GALNT18: variants seen among roughly 807,000 people sequenced by gnomAD.
GALNT18 encodes the protein polypeptide N-acetylgalactosaminyltransferase 18.
A neutral mutation model predicts 69.5 loss-of-function variants in GALNT18; 44 were observed. That is an observed-to-expected ratio of 0.63 (90% CI 0.50 to 0.81). The LOEUF (loss-of-function observed/expected upper bound fraction) is 0.81. Ranked by LOEUF, GALNT18 falls within the 40% of genes least tolerant of loss-of-function variation. The probability of loss-of-function intolerance (pLI) is 0.00; values close to 1 mark genes in which losing one functional copy is unlikely to be tolerated. For missense variants in GALNT18, 715 were observed against 810.0 expected (o/e 0.88, Z 1.42); for synonymous variants, 364 against 318.2 (o/e 1.14, Z -1.53).
chr11:11,523,580 G>C lies in GALNT18; in HGVS notation c.236-74644C>G, dbSNP rs757576893. ...TAAAAATACAAAAAATTAGCCAGGC[G>C]TGTTGGTGGGCTCCTGTAGTCCCAG... is the stretch of plus-strand genomic sequence containing the variant. On this transcript the variant is annotated intron_variant, in intron 1 of 10. Coordinates refer to ENST00000227756, the MANE Select transcript of GALNT18 (RefSeq NM_198516.3). The surrounding 1 kb of genome is among the most constrained non-coding windows in gnomAD (Gnocchi z 4.3). 6.6e-6 allele frequency among the ~76,000 whole-genome samples: 1 copy of C among 151,866 alleles called. No homozygotes were observed. The highest frequency in any genetic ancestry group is 2.1e-4 in the South Asian group (1 of 4,808).
Position 11,271,028 on chromosome 11 carries a change from T to C in GALNT18, c.*116A>G, listed in dbSNP as rs187403373. On this transcript the variant is annotated 3_prime_UTR_variant, in exon 11 of 11. Transcript: ENST00000227756. The stretch of plus-strand genomic sequence containing the variant: ...TTGAATAGGAAATAAAAAGCTCTTC[T>C]TGGGGGCCCACTAACCTGGTTCCCC... The C allele has an allele frequency of 1.3e-4, 106 of 839,210 alleles. No homozygotes were observed. In the African/African-American group the frequency reaches 1.5e-3, roughly 12 times the overall value. The allele number at this position is 839,210 out of a possible 1,614,324, so 52.0% of individuals were successfully genotyped here.
chr11:11,440,001 C>T (rs2133806760), intron 2 of GALNT18, among the ~76,000 whole-genome samples: 1 of 152,276 alleles, frequency 6.6e-6, no homozygotes, highest in East Asian at 1.9e-4. Flanking sequence ...GGGAGTTCTG[C>T]AATGCAGGAG....
At chr11:11,585,373 G>C (rs1360076016) in intron 1 of GALNT18, among the ~76,000 whole-genome samples, 1 of 131,592 alleles carries the variant, frequency 7.6e-6, no homozygotes, top group African/African-American at 2.8e-5. Flanking sequence ...TTTTTTTTCC[G>C]AGATGGAGTT....
intron 10 of GALNT18, among the ~76,000 whole-genome samples, chr11:11,278,073 G>T (rs1338818613): frequency 6.6e-6 from 1 of 151,846 alleles, no homozygotes; most frequent in Non-Finnish European, 1.5e-5. Flanking sequence ...CTTTTGCCTC[G>T]TTGATCTGTC....
chr11:11,344,139 C>A (rs1377157140), intron 6 of GALNT18, among the ~76,000 whole-genome samples: 1 of 152,202 alleles, frequency 6.6e-6, no homozygotes, highest in African/African-American at 2.4e-5. Flanking sequence ...TGGCACAGCC[C>A]CTGATCTGGG....
At chr11:11,345,727 C>G (rs1189084294) in intron 6 of GALNT18, among the ~76,000 whole-genome samples, 1 of 152,012 alleles carries the variant, frequency 6.6e-6, no homozygotes, top group Admixed American at 6.6e-5. Context: ...CTCTCGTAGA[C>G]AGAGATGCCT....
chr11:11,352,711 T>C (rs745820071), intron 6 of GALNT18: 9 of 1,614,020 alleles, frequency 5.6e-6, no homozygotes. Context: ...ATCTCATACA[T>C]GTAAAATCGA....
chr11:11,343,404 A>G (rs974854469), intron 6 of GALNT18, among the ~76,000 whole-genome samples: 2 of 152,172 alleles, frequency 1.3e-5, no homozygotes, highest in African/African-American at 4.8e-5. Context: ...CCCTTGCTCA[A>G]GAACACACAG....
chr11:11,385,065 A>G (rs1854015239), intron 3 of GALNT18, among the ~76,000 whole-genome samples: 1 of 152,082 alleles, frequency 6.6e-6, no homozygotes. Context: ...GCTTCCACTC[A>G]TGGTGGAAGG....
chr11:11,295,464 G>A (rs987737972), intron 9 of GALNT18, among the ~76,000 whole-genome samples: 5 of 152,260 alleles, frequency 3.3e-5, no homozygotes, highest in African/African-American at 1.2e-4. Context: ...AAGTCATGGA[G>A]AGAAAGCTGA....
At chr11:11,301,943 T>C (rs1323664745) in intron 9 of GALNT18, among the ~76,000 whole-genome samples, 1 of 152,022 alleles carries the variant, frequency 6.6e-6, no homozygotes, top group Non-Finnish European at 1.5e-5. Context: ...GGAGTAACAG[T>C]CTCTACCTGG....
In GALNT18 at chr11:11,401,459, G is replaced by C. The variant is rs529698402; in HGVS notation, c.596-22195C>G. 2.1e-4 allele frequency among the ~76,000 whole-genome samples: 32 copies of C among 152,212 alleles called. 1 individual carries two copies. The South Asian group carries it at 6.4e-3, about 31-fold the overall frequency. On this transcript the variant is annotated intron_variant, in intron 3 of 10. Transcript: ENST00000227756. ...TTGAGCTGGCCTGTTCCCAGCACTC[G>C]GTCCTAGAGGCTCAGGTCTTGGCCC...
chr11:11,545,877 G>C (rs1408378612), intron 1 of GALNT18, among the ~76,000 whole-genome samples: 1 of 152,154 alleles, frequency 6.6e-6, no homozygotes, highest in Non-Finnish European at 1.5e-5. Context: ...TGGTCATTTG[G>C]CCTGCATCAA....
chr11:11,581,620 C>A (rs543358514), intron 1 of GALNT18, among the ~76,000 whole-genome samples: 1 of 150,546 alleles, frequency 6.6e-6, no homozygotes, highest in South Asian at 2.2e-4. Flanking sequence ...CTGAAGGGTG[C>A]AGCTTGTTAT....
intron 1 of GALNT18, among the ~76,000 whole-genome samples, chr11:11,476,984 G>C (rs1381441937): frequency 6.6e-6 from 1 of 152,142 alleles, no homozygotes; most frequent in Admixed American, 6.5e-5. Context: ...TCTGAGTTGG[G>C]GTCCACCCAT....
rs112787383 is a variant in GALNT18, at chr11:11,602,424, G to A, written c.235+18935C>T. On this transcript the variant is annotated intron_variant, in intron 1 of 10. Coordinates refer to ENST00000227756, the MANE Select transcript of GALNT18 (RefSeq NM_198516.3). The surrounding 1 kb of genome is among the most constrained non-coding windows in gnomAD (Gnocchi z 4.7). ...CTGGTGGCCTGGCCCTTCTGGGAGA[G>A]AAATATAGCCCTAGAGTGGAAGTTG... Among the ~76,000 whole-genome samples the A allele has an allele frequency of 7.5e-3, 1,147 of 152,230 alleles. 19 individuals carry two copies. The highest frequency in any genetic ancestry group is 0.026 in the African/African-American group (1,092 of 41,538).
At chr11:11,483,054 A>C (rs1161541826) in intron 1 of GALNT18, among the ~76,000 whole-genome samples, 2 of 152,246 alleles carry the variant, frequency 1.3e-5, no homozygotes, top group East Asian at 3.9e-4. Flanking sequence ...CCATTTGCTC[A>C]GGATTCTCCC....
At chr11:11,457,589 TCAGA>T (rs1422484433) in intron 1 of GALNT18, among the ~76,000 whole-genome samples, 13 of 152,134 alleles carry the variant, frequency 8.5e-5, no homozygotes, top group African/African-American at 3.1e-4. Context: ...TACCGAAGGG[TCAGA>T]CAGAGCCACC....
At chr11:11,545,963 A>C (rs1042017598) in intron 1 of GALNT18, among the ~76,000 whole-genome samples, 1 of 152,170 alleles carries the variant, frequency 6.6e-6, no homozygotes, top group Non-Finnish European at 1.5e-5. Context: ...ATCACAGCAC[A>C]CCAGAAAAGA....
Sources: gnomAD v4.1 joint callset for allele counts (sites outside exome capture counted in the v4.1 genomes callset) on GRCh38, gnomAD v4.1.1 for gene constraint, Gnocchi (gnomAD v3.1) non-coding constraint, MANE v1.5 for transcripts, NCBI Gene and HGNC (gene_info 2026-07-23, HGNC 2026-07-21) for gene names.